Variants in TKFC observed in about 807,000 individuals in gnomAD.
TKFC encodes the protein triokinase and FMN cyclase.
Under a neutral mutation model 61.0 loss-of-function variants are expected in TKFC, and 46 were observed. The observed-to-expected ratio is 0.75, with a 90% CI of 0.60 to 0.96. The LOEUF (loss-of-function observed/expected upper bound fraction) is 0.96. TKFC is among the 50% of genes least tolerant of loss of function. TKFC has a pLI of 0.00. For synonymous variants in TKFC, 314 were observed against 330.1 expected (o/e 0.95, Z 0.53); for missense variants, 715 against 777.5 (o/e 0.92, Z 0.96).
chr11:61,345,864 C>A lies in TKFC; in HGVS notation c.1493C>A (p.Ser498Tyr). 6.2e-7 allele frequency: 1 copy of A among 1,614,156 alleles called. No individual in the cohort carries two copies. The highest frequency in any genetic ancestry group is 8.5e-7 in the Non-Finnish European group (1 of 1,180,040). ...AAPGDRTMLD[S>Y]LWAAGQELQA... The stretch of plus-strand genomic sequence containing the variant: ...TTCCTTCACCTTGTCCAGCTGGATT[C>A]TCTGTGGGCAGCGGGGCAGGAGCTC... The change falls in exon 17 of 18, where the codon TCT becomes TAT. Residue 498 changes from serine to tyrosine, a missense_variant. By Grantham distance (144) the Ser-to-Tyr change is moderately radical. Coordinates refer to ENST00000394900, the MANE Select transcript of TKFC (RefSeq NM_015533.4).
chr11:61,334,873 C>A, intron 2 of TKFC, 142 bp downstream of exon 2: 1 of 1,290,884 alleles, frequency 7.7e-7, no homozygotes. Context: ...GAGGGTCATC[C>A]TCTCTCCCAG....
In TKFC at chr11:61,346,895, A is replaced by G; in HGVS notation, c.*392A>G. On this transcript the variant is annotated 3_prime_UTR_variant, in exon 18 of 18. Coordinates refer to ENST00000394900, the MANE Select transcript of TKFC (RefSeq NM_015533.4). This position sits in a 1 kb window ranked among gnomAD's most constrained non-coding sequence, Gnocchi z 4.1. ...CCAGTGAGCGTGAAAAAGAAAGTTA[A>G]TAAACTATAATACATGGAAGCAAGA... 2 of 1,000,610 alleles carry G rather than the reference A, an allele frequency of 2.0e-6. No individual in the cohort carries two copies. The highest frequency in any genetic ancestry group is 2.4e-6 in the Non-Finnish European group (2 of 839,602). The allele number at this position is 1,000,610 out of a possible 1,614,324, so 62.0% of individuals were successfully genotyped here. A position where few individuals can be genotyped will look rare whatever the true frequency, so the allele number is the denominator to read the frequency against.
rs751275880 is a variant in TKFC, at chr11:61,346,501, T to C, written c.1726T>C (p.Ter576GlnextTer3). 2 of 1,598,330 alleles carry C rather than the reference T, an allele frequency of 1.3e-6. No homozygotes were observed. The highest frequency in any genetic ancestry group is 2.2e-5 in the East Asian group (1 of 44,564). ...GGCCATCTTGGAGGTCTTGCAGAGC[T>C]AGGGTGTGTGACTGCCTCCCTTGGC... ...LRAILEVLQS[*>Q] The change falls in exon 18 of 18, where the codon TAG (stop) becomes CAG (glutamine). Residue 576 changes from the stop codon to glutamine (Q), a stop_lost. Coordinates refer to ENST00000394900, the MANE Select transcript of TKFC (RefSeq NM_015533.4). The surrounding 1 kb of genome is among the most constrained non-coding windows in gnomAD (Gnocchi z 4.1).
chr11:61,351,901 G>A (rs1349079860), downstream of TKFC: 1 of 152,188 alleles, frequency 6.6e-6, no homozygotes, highest in Non-Finnish European at 1.5e-5. Context: ...GCAACAGAGT[G>A]AGATGCTATC....
rs1234516078 is a variant in TKFC at position 61,346,065 on chromosome 11, A to G, written c.1575+119A>G. The G allele has an allele frequency of 1.7e-6, 2 of 1,178,940 alleles. No homozygotes were observed. Among genetic ancestry groups the G allele is most frequent in the Non-Finnish European group, 2.4e-6 (2 of 843,848 alleles). 73.0% of individuals were successfully genotyped at this position (1,178,940 alleles called of 1,614,324 possible). On this transcript the variant is annotated intron_variant, in intron 17 of 17. Coordinates refer to ENST00000394900, the MANE Select transcript of TKFC (RefSeq NM_015533.4). The surrounding 1 kb of genome is among the most constrained non-coding windows in gnomAD (Gnocchi z 4.1). ...TGGACCGCAGTTTCCTTCTCTGTAC[A>G]ATGGAGATGAGCACCTATCTCAGAA...
chr11:61,333,919 C>T (rs1856493539), intron 1 of TKFC: 1 of 152,310 alleles, frequency 6.6e-6, no homozygotes, highest in African/African-American at 2.4e-5. Flanking sequence ...ACCTAAGACC[C>T]TCCCCACAAC....
Position 61,339,186 on chromosome 11 carries a change from G to A in TKFC, c.304+10G>A. On this transcript the variant is annotated intron_variant, in intron 4 of 17. Transcript: ENST00000394900. Reference sequence around the variant, plus strand: ...GCCCAGGCCGGCACAGGTAAGCCTGGCATGCAGGAGGGGCTGCGGCAGGGA... The same window carrying A: ...GCCCAGGCCGGCACAGGTAAGCCTGACATGCAGGAGGGGCTGCGGCAGGGA... 4 of 1,613,208 alleles carry A rather than the reference G, an allele frequency of 2.5e-6. No homozygotes were observed. The highest frequency in any genetic ancestry group is 3.4e-6 in the Non-Finnish European group (4 of 1,179,616).
Position 61,346,338 on chromosome 11 carries a change from C to A in TKFC, c.1576-13C>A. The A allele has an allele frequency of 6.2e-7, 1 of 1,612,112 alleles. No individual in the cohort carries two copies. Among genetic ancestry groups the A allele is most frequent in the East Asian group, 2.2e-5 (1 of 44,874 alleles). On this transcript the variant is annotated splice_polypyrimidine_tract_variant and intron_variant, in intron 17 of 17. Coordinates refer to ENST00000394900, the MANE Select transcript of TKFC (RefSeq NM_015533.4). The surrounding 1 kb of genome is among the most constrained non-coding windows in gnomAD (Gnocchi z 4.1). Reference sequence around the variant, plus strand: ...ATCTGCCCTTGAACCTGCTCCCACACCCCATCCCCCAGAGTGCCGAAGCTG... The same window carrying A: ...ATCTGCCCTTGAACCTGCTCCCACAACCCATCCCCCAGAGTGCCGAAGCTG...
At chr11:61,339,837 A>T (rs1856782023) in intron 5 of TKFC, among the ~76,000 whole-genome samples, 1 of 151,806 alleles carries the variant, frequency 6.6e-6, no homozygotes, top group African/African-American at 2.4e-5. Flanking sequence ...TCTCCACACT[A>T]CTGCCAGAGG....
intron 3 of TKFC, among the ~76,000 whole-genome samples, chr11:61,338,377 C>T (rs111498891): frequency 4.6e-5 from 7 of 152,296 alleles, no homozygotes; most frequent in African/African-American, 1.4e-4. Context: ...CTCTGAGAGT[C>T]GGTGATTCCA....
downstream of TKFC, chr11:61,352,305 C>G (rs1368428582): frequency 2.9e-5 from 1 of 34,038 alleles, no homozygotes; most frequent in South Asian, 8.6e-4. Context: ...TCTGTTCCCT[C>G]ATTTTTTTTA....
chr11:61,345,206 C>A, intron 13 of TKFC, 54 bp from the exon 14 acceptor site: 1 of 1,434,142 alleles, frequency 7.0e-7, no homozygotes, highest in South Asian at 1.4e-5. Flanking sequence ...GGCTGGAAGT[C>A]TGGCAGATGG....
rs376636000 is a variant in TKFC at position 61,339,322 on chromosome 11, G to A, written c.373G>A (p.Ala125Thr). The change falls in exon 5 of 18, where the codon GCC becomes ACC. Residue 125 changes from alanine (A) to threonine (T), a missense_variant. Coordinates refer to ENST00000394900, the MANE Select transcript of TKFC (RefSeq NM_015533.4). Reference protein sequence around the residue: ...RLNFGLAREQARAEGIPVEMV... With the variant: ...RLNFGLAREQTRAEGIPVEMV... ...CAACTTCGGCCTGGCCCGGGAGCAG[G>A]CCCGGGCTGAAGGCATCCCGGTGGA... 1 of 1,613,908 alleles carries A rather than the reference G, an allele frequency of 6.2e-7. No individual in the cohort carries two copies.
At chr11:61,352,961 A>G (rs758482216), downstream of TKFC, 1 of 1,614,060 alleles carries the variant, frequency 6.2e-7, no homozygotes. Flanking sequence ...TTCACCTTAG[A>G]GTTGGGGACC....
chr11:61,337,915 ACCT>A lies in TKFC; in HGVS notation c.4-22_4-20del, dbSNP rs770413576. 30 of 1,580,580 alleles carry A rather than the reference ACCT, an allele frequency of 1.9e-5. No individual in the cohort carries two copies. In the African/African-American group the frequency reaches 3.4e-4, roughly 18 times the overall value. ...GGGTATCTGTACTGACCACATTCTG[ACCT>A]CCTTCTCACTCCTCCCTTGCAGACC... On this transcript the variant is annotated intron_variant, in intron 2 of 17. Transcript: ENST00000394900.
chr11:61,339,575 C>A, intron 5 of TKFC, 140 bp downstream of exon 5: 1 of 943,166 alleles, frequency 1.1e-6, no homozygotes, highest in Non-Finnish European at 1.5e-6. Flanking sequence ...TCTCAGAAGG[C>A]CCCGCCATCC....
chr11:61,340,264 G>A lies in TKFC; in HGVS notation c.486+829G>A, dbSNP rs561014274. ...TGACCTCAAGTGATCTGCCCGCCTC[G>A]GCCTCCCAAAGTGCTGGGATGACGA... On this transcript the variant is annotated intron_variant, in intron 5 of 17. Coordinates refer to ENST00000394900, the MANE Select transcript of TKFC (RefSeq NM_015533.4). Among the ~76,000 whole-genome samples, 1,365 of 151,178 alleles carry A rather than the reference G, an allele frequency of 9.0e-3. 10 individuals carry two copies. Among genetic ancestry groups the A allele is most frequent in the Non-Finnish European group, 0.014 (981 of 67,902 alleles).
chr11:61,340,186 ATTT>A (rs1199060594), intron 5 of TKFC, among the ~76,000 whole-genome samples: 13 of 151,630 alleles, frequency 8.6e-5, no homozygotes, highest in Non-Finnish European at 1.6e-4. Flanking sequence ...TAATTTTTGT[ATTT>A]TTAGTAGAGA....
rs1253173488 is a variant in TKFC, at chr11:61,337,932, C to T, written c.4-9C>T. ...ACATTCTGACCTCCTTCTCACTCCT[C>T]CCTTGCAGACCTCCAAGAAGCTGGT... On this transcript the variant is annotated splice_polypyrimidine_tract_variant and intron_variant, in intron 2 of 17. Transcript: ENST00000394900. 5.0e-6 allele frequency: 8 copies of T among 1,597,918 alleles called. No individual in the cohort carries two copies. The highest frequency in any genetic ancestry group is 6.8e-6 in the Non-Finnish European group (8 of 1,172,838).
Sources: allele counts gnomAD v4.1 joint callset (sites outside exome capture counted in the v4.1 genomes callset), GRCh38; gene constraint gnomAD v4.1.1; non-coding constraint Gnocchi (gnomAD v3.1); transcripts MANE v1.5; gene names NCBI Gene and HGNC (gene_info 2026-07-23, HGNC 2026-07-21).